CSMD2: variants seen among roughly 807,000 people sequenced by gnomAD.
The protein encoded by CSMD2 is CUB and sushi domain-containing protein 2.
In CSMD2, 130 loss-of-function variants were observed where a neutral mutation model predicts 398.5. The ratio of observed to expected loss-of-function variants is 0.33; its 90% CI spans 0.28 to 0.38. CSMD2 has a LOEUF of 0.38. Ranked by LOEUF, CSMD2 falls within the 10% of genes least tolerant of loss-of-function variation. CSMD2 has a pLI of 1.00. For synonymous variants in CSMD2, 1,828 were observed against 1,908.5 expected (o/e 0.96, Z 1.10); for missense variants, 3,829 against 4,764.9 (o/e 0.80, Z 5.78).
chr1:33,959,280 G>A (rs1645269807), intron 3 of CSMD2, among the ~76,000 whole-genome samples: 1 of 152,166 alleles, frequency 6.6e-6, no homozygotes, highest in Non-Finnish European at 1.5e-5. Flanking sequence ...AAACACAAAA[G>A]CCTGAAACTC....
chr1:33,581,354 T>TAAAA (rs35599517), intron 47 of CSMD2, among the ~76,000 whole-genome samples: 1 of 84,218 alleles, frequency 1.2e-5, no homozygotes, highest in Admixed American at 1.5e-4. Context: ...CCATCTTTAC[T>TAAAA]AAAAAAAAAA....
At chr1:34,082,323 C>T (rs1046424982) in intron 2 of CSMD2, among the ~76,000 whole-genome samples, 31 of 151,750 alleles carry the variant, frequency 2.0e-4, no homozygotes, top group African/African-American at 6.8e-4. Context: ...CCGGCCGCCC[C>T]GTCTGGGAAG....
chr1:33,933,434 T>A (rs892453579), intron 4 of CSMD2, among the ~76,000 whole-genome samples: 2 of 152,244 alleles, frequency 1.3e-5, no homozygotes, highest in African/African-American at 4.8e-5. Flanking sequence ...TACATTTGTT[T>A]CTGGTTTTTA....
rs143120864 is a variant in CSMD2, at chr1:33,811,100, C to G, written c.1325-236G>C. ...TGATGAACTTCTAAGGCAGGCTAAG[C>G]GACCCCTCTGCATGCCCCACTTACC... On this transcript the variant is annotated intron_variant, in intron 9 of 70. Transcript: ENST00000373381. Among the ~76,000 whole-genome samples the G allele has an allele frequency of 6.3e-3, 961 of 152,168 alleles. 5 individuals carry two copies. Among genetic ancestry groups the G allele is most frequent in the African/African-American group, 0.022 (895 of 41,512 alleles).
chr1:34,015,826 T>A (rs941156997), intron 3 of CSMD2, among the ~76,000 whole-genome samples: 2 of 152,176 alleles, frequency 1.3e-5, no homozygotes, highest in Non-Finnish European at 2.9e-5. Flanking sequence ...TTAGAAAGCA[T>A]CTAGAGCAAG....
chr1:33,634,315 G>A (rs1642664203), intron 31 of CSMD2, among the ~76,000 whole-genome samples: 1 of 152,194 alleles, frequency 6.6e-6, no homozygotes, highest in African/African-American at 2.4e-5. Flanking sequence ...GGCCCCCAAT[G>A]GGTGCTTACT....
intron 55 of CSMD2, among the ~76,000 whole-genome samples, chr1:33,554,861 G>A (rs915260735): frequency 7.9e-5 from 12 of 152,270 alleles, no homozygotes; most frequent in Admixed American, 7.2e-4. Flanking sequence ...ATGATGAAGA[G>A]CTCCTGTACA....
intron 25 of CSMD2, among the ~76,000 whole-genome samples, chr1:33,674,802 A>T (rs1469542531): frequency 2.0e-5 from 3 of 152,228 alleles, no homozygotes; most frequent in South Asian, 2.1e-4. Flanking sequence ...GGGTTAAGAA[A>T]CTCACTCAAA....
intron 3 of CSMD2, among the ~76,000 whole-genome samples, chr1:33,939,726 T>C (rs969289016): frequency 6.6e-6 from 1 of 152,178 alleles, no homozygotes; most frequent in Non-Finnish European, 1.5e-5. Flanking sequence ...ATGCTTCCAT[T>C]GGGACCTGGG....
At chr1:33,865,344 G>T (rs1417738727) in intron 5 of CSMD2, among the ~76,000 whole-genome samples, 1 of 151,318 alleles carries the variant, frequency 6.6e-6, no homozygotes, top group Non-Finnish European at 1.5e-5. Context: ...AGTGGGGCCA[G>T]GGTGAACTCC....
At chr1:33,880,134 A>G (rs1641132844) in intron 5 of CSMD2, among the ~76,000 whole-genome samples, 1 of 152,204 alleles carries the variant, frequency 6.6e-6, no homozygotes, top group South Asian at 2.1e-4. Context: ...ATGATGATTT[A>G]TCTAATTTAA....
intron 37 of CSMD2, among the ~76,000 whole-genome samples, chr1:33,621,009 C>T (rs544815992): frequency 3.5e-4 from 54 of 152,260 alleles, no homozygotes; most frequent in Non-Finnish European, 6.5e-4. Context: ...CAGGCCCATG[C>T]TGTCGCAGAT....
At chr1:34,103,921 T>A (rs1160292041) in intron 1 of CSMD2, among the ~76,000 whole-genome samples, 1 of 152,238 alleles carries the variant, frequency 6.6e-6, no homozygotes, top group Admixed American at 6.5e-5. Context: ...AATTTCAGAT[T>A]TGCCACTTAA....
At chr1:33,940,557 G>GA (rs202149133) in intron 3 of CSMD2, among the ~76,000 whole-genome samples, 154 of 148,994 alleles carry the variant, frequency 1.0e-3, no homozygotes, top group Middle Eastern at 3.5e-3. Flanking sequence ...TTTTACAGGT[G>GA]AAAAAAAAAC....
intron 62 of CSMD2, 130 bp downstream of exon 62, chr1:33,536,888 GCTTT>G (rs1028034944): frequency 3.8e-6 from 3 of 782,788 alleles, no homozygotes; most frequent in Admixed American, 4.7e-5. Flanking sequence ...GAGGCAGAGG[GCTTT>G]CTTTCTGCGC....
At chr1:33,990,636 A>G (rs1217378512) in intron 3 of CSMD2, among the ~76,000 whole-genome samples, 1 of 152,170 alleles carries the variant, frequency 6.6e-6, no homozygotes, top group African/African-American at 2.4e-5. Flanking sequence ...GACTTGGGAA[A>G]AACAATGGGC....
chr1:33,942,033 C>T lies in CSMD2; in HGVS notation c.518-6079G>A, dbSNP rs142876747. Reference sequence around the variant, plus strand: ...CAACGCTGTTTCTCAGTTCCAAGAACAGTGCCTGATGTATAATAATAACTT... The same window carrying T: ...CAACGCTGTTTCTCAGTTCCAAGAATAGTGCCTGATGTATAATAATAACTT... On this transcript the variant is annotated intron_variant, in intron 3 of 70. Transcript: ENST00000373381. 2.0e-3 allele frequency among the ~76,000 whole-genome samples: 307 copies of T among 152,204 alleles called. 2 individuals carry two copies. Among genetic ancestry groups the T allele is most frequent in the Non-Finnish European group, 1.5e-3 (101 of 68,012 alleles).
At position 33,635,302 on chromosome 1, in the gene CSMD2, C is replaced by T. The variant is rs144255567; in HGVS notation, c.4998G>A (p.Ser1666=). 77 of 1,612,628 alleles carry T rather than the reference C, an allele frequency of 4.8e-5. No homozygotes were observed. The highest frequency in any genetic ancestry group is 6.1e-5 in the Non-Finnish European group (72 of 1,178,946). ...TAPCGGQYVG[S]DGVVLSPNYP... ...AGTTGGGGGACAAGACCACTCCGTC[C>T]GAACCCACATACTGTCCCCCACAGG... is the stretch of plus-strand genomic sequence containing the variant. The change falls in exon 31 of 71, where the codon TCG becomes TCA. Residue 1666 remains serine, a synonymous_variant. Coordinates refer to ENST00000373381, the MANE Select transcript of CSMD2 (RefSeq NM_001281956.2). The surrounding 1 kb of genome is among the most constrained non-coding windows in gnomAD (Gnocchi z 5.0).
At chr1:33,756,587 G>A (rs1211456145) in intron 13 of CSMD2, among the ~76,000 whole-genome samples, 1 of 152,210 alleles carries the variant, frequency 6.6e-6, no homozygotes, top group Non-Finnish European at 1.5e-5. Flanking sequence ...CAAAGGCCCT[G>A]GGGTGGGAAT....
Sources: gnomAD v4.1 joint callset for allele counts (sites outside exome capture counted in the v4.1 genomes callset) on GRCh38, gnomAD v4.1.1 for gene constraint, Gnocchi (gnomAD v3.1) non-coding constraint, MANE v1.5 for transcripts, NCBI Gene and HGNC (gene_info 2026-07-23, HGNC 2026-07-21) for gene names.